ELSPBP1: variants seen among roughly 807,000 people sequenced by gnomAD.
ELSPBP1 encodes the protein epididymal sperm binding protein 1.
In ELSPBP1, 38 loss-of-function variants were observed where a neutral mutation model predicts 33.3. That is an observed-to-expected ratio of 1.14 (90% CI 0.88 to 1.50). ELSPBP1 has a LOEUF of 1.50. Ranked by LOEUF, ELSPBP1 falls within the 40% of genes most tolerant of loss-of-function variation. The probability of loss-of-function intolerance (pLI) is 0.00; values close to 1 mark genes in which losing one functional copy is unlikely to be tolerated. For missense variants in ELSPBP1, 267 were observed against 263.5 expected (o/e 1.01, Z -0.09); for synonymous variants, 85 against 94.1 (o/e 0.90, Z 0.56).
intron 4 of ELSPBP1, 139 bp downstream of exon 4, chr19:48,016,178 G>C: frequency 9.9e-7 from 1 of 1,014,630 alleles, no homozygotes; most frequent in Non-Finnish European, 1.4e-6. Flanking sequence ...TCTGCTCAGA[G>C]AGTTCGCTAT....
At chr19:48,020,096 C>T (rs998474658) in intron 5 of ELSPBP1, among the ~76,000 whole-genome samples, 1 of 152,070 alleles carries the variant, frequency 6.6e-6, no homozygotes, top group Non-Finnish European at 1.5e-5. Flanking sequence ...ATGAAATGCT[C>T]AAAATGTTAA....
At chr19:48,023,358 A>AAGGG (rs1967225277) in intron 6 of ELSPBP1, among the ~76,000 whole-genome samples, 1 of 109,526 alleles carries the variant, frequency 9.1e-6, no homozygotes, top group African/African-American at 3.4e-5. Flanking sequence ...GGAAAGAAGG[A>AAGGG]AGGGAGGAAG....
At chr19:48,003,549 T>TTTTTTTTTTTTTTTTTTG (rs1966987853) in intron 1 of ELSPBP1, among the ~76,000 whole-genome samples, 1 of 150,776 alleles carries the variant, frequency 6.6e-6, no homozygotes, top group African/African-American at 2.4e-5. Context: ...CTTTTTTTTT[T>TTTTTTTTTTTTTTTTTTG]TTTTTTTGAT....
Position 48,014,212 on chromosome 19 carries a change from T to A in ELSPBP1, c.112T>A (p.Ser38Thr). 6.2e-7 allele frequency: 1 copy of A among 1,614,026 alleles called. No individual in the cohort carries two copies. The highest frequency in any genetic ancestry group is 1.3e-5 in the African/African-American group (1 of 75,014). Residue 38 changes from serine to threonine, a missense_variant, in exon 3 of 7, where the codon TCT (serine) becomes ACT (threonine). Physicochemically the swap from Ser to Thr is moderately conservative, Grantham distance 58 (BLOSUM62 1). Coordinates refer to ENST00000339841, the MANE Select transcript of ELSPBP1 (RefSeq NM_022142.5). ...TGTCTTTCCTTTCACCTACAAGGGA[T>A]CTGTTTACTTCACTTGCACCCATAT... ...ECVFPFTYKG[S>T]VYFTCTHIHS...
intron 1 of ELSPBP1, among the ~76,000 whole-genome samples, chr19:47,999,608 G>A (rs113604439): frequency 0.011 from 1,616 of 151,982 alleles, 14 homozygotes; most frequent in Middle Eastern, 0.027. Context: ...GGCTGGTCTT[G>A]AACTCCTGGC....
At position 47,999,853 on chromosome 19, in the gene ELSPBP1, C is replaced by T. The variant is rs182915676; in HGVS notation, c.-18+5042C>T. Among the ~76,000 whole-genome samples the T allele has an allele frequency of 1.6e-3, 242 of 150,606 alleles. 1 individual carries two copies. The highest frequency in any genetic ancestry group is 5.4e-3 in the African/African-American group (220 of 40,952). ...TTTTTTTTTTTAGGAAATGGGGTCTCGCTCTGTCATTCAGGCTGGAGTGCA... is the reference window on the plus strand; with the variant it reads ...TTTTTTTTTTTAGGAAATGGGGTCTTGCTCTGTCATTCAGGCTGGAGTGCA... On this transcript the variant is annotated intron_variant, in intron 1 of 6. Coordinates refer to ENST00000339841, the MANE Select transcript of ELSPBP1 (RefSeq NM_022142.5).
chr19:48,007,159 A>T (rs991526541), intron 1 of ELSPBP1, among the ~76,000 whole-genome samples: 5 of 152,200 alleles, frequency 3.3e-5, no homozygotes, highest in Non-Finnish European at 7.3e-5. Flanking sequence ...GCATTTTCAC[A>T]TCAAGGTCTA....
intron 6 of ELSPBP1, among the ~76,000 whole-genome samples, chr19:48,023,725 G>GTTTA (rs1967239022): frequency 1.3e-5 from 2 of 151,968 alleles, no homozygotes; most frequent in Admixed American, 1.3e-4. Context: ...GAAAAATGGG[G>GTTTA]TTTATTTCTC....
At chr19:48,009,413 A>G (rs1272120274) in intron 2 of ELSPBP1, among the ~76,000 whole-genome samples, 1 of 152,198 alleles carries the variant, frequency 6.6e-6, no homozygotes, top group East Asian at 1.9e-4. Context: ...TGGACAACCT[A>G]ATTATATCTT....
At chr19:48,024,901 A>G (rs982831863) in intron 6 of ELSPBP1, 51 bp from the exon 7 acceptor site, 1 of 152,174 alleles carries the variant, frequency 6.6e-6, no homozygotes, top group African/African-American at 2.4e-5. Context: ...TTCCTCTTTG[A>G]GTCAATGCCT....
intron 4 of ELSPBP1, among the ~76,000 whole-genome samples, chr19:48,016,815 T>C (rs1967147587): frequency 6.6e-6 from 1 of 152,026 alleles, no homozygotes; most frequent in South Asian, 2.1e-4. Context: ...GCCAGGCTGG[T>C]CTTGAACTCC....
Position 48,020,225 on chromosome 19 carries a change from G to C in ELSPBP1, c.514+348G>C, listed in dbSNP as rs1205407351. ...CCAGAACTTTGGGAGGCTGAGATGG[G>C]AGGATCACTTGAGCCTGGGAGGTTG... On this transcript the variant is annotated intron_variant, in intron 5 of 6. Transcript: ENST00000339841. 3.9e-5 allele frequency among the ~76,000 whole-genome samples: 6 copies of C among 152,278 alleles called. No individual in the cohort carries two copies. The East Asian group carries it at 1.2e-3, about 29-fold the overall frequency.
At chr19:48,006,957 C>T (rs867629309) in intron 1 of ELSPBP1, among the ~76,000 whole-genome samples, 48 of 152,086 alleles carry the variant, frequency 3.2e-4, no homozygotes, top group Non-Finnish European at 5.4e-4. Flanking sequence ...AAGTTTGGGG[C>T]GTGTTGTGTG....
chr19:47,998,419 GA>G (rs1000654595), intron 1 of ELSPBP1, among the ~76,000 whole-genome samples: 4 of 151,064 alleles, frequency 2.6e-5, no homozygotes, highest in South Asian at 2.1e-4. Flanking sequence ...TCAAAAAAAA[GA>G]AAAAAAATCA....
intron 1 of ELSPBP1, among the ~76,000 whole-genome samples, chr19:47,998,341 AC>A (rs1966931307): frequency 6.7e-6 from 1 of 150,190 alleles, no homozygotes; most frequent in Non-Finnish European, 1.5e-5. Flanking sequence ...GAACCGGGGG[AC>A]AGAGGTTGCA....
chr19:48,015,909 C>A lies in ELSPBP1; in HGVS notation c.225C>A (p.Ile75=). Residue 75 remains isoleucine, a synonymous_variant, in exon 4 of 7, where the codon ATC becomes ATA. Transcript: ENST00000339841. The part of the protein sequence containing the change: ...YCQSEDYPRC[I]FPFIYRGKAY... Reference sequence around the variant, plus strand: ...TCCTAACAGATTACCCACGCTGTATCTTCCCTTTCATCTATCGAGGAAAGG... The same window carrying A: ...TCCTAACAGATTACCCACGCTGTATATTCCCTTTCATCTATCGAGGAAAGG... 1 of 1,611,288 alleles carries A rather than the reference C, an allele frequency of 6.2e-7. No homozygotes were observed. The highest frequency in any genetic ancestry group is 1.1e-5 in the South Asian group (1 of 90,948).
chr19:47,998,736 G>A (rs1449226669), intron 1 of ELSPBP1, among the ~76,000 whole-genome samples: 1 of 147,292 alleles, frequency 6.8e-6, no homozygotes, highest in Non-Finnish European at 1.5e-5. Context: ...GCAGTGAGCC[G>A]AGATCGCGCC....
At chr19:48,018,295 C>T (rs1967163443) in intron 4 of ELSPBP1, among the ~76,000 whole-genome samples, 1 of 152,126 alleles carries the variant, frequency 6.6e-6, no homozygotes, top group African/African-American at 2.4e-5. Flanking sequence ...AGGCTGGCAT[C>T]ACAGGGTTTT....
intron 6 of ELSPBP1, among the ~76,000 whole-genome samples, chr19:48,022,631 T>C (rs914707600): frequency 6.6e-6 from 1 of 152,110 alleles, no homozygotes; most frequent in African/African-American, 2.4e-5. Flanking sequence ...CAGAGGGGGA[T>C]TGGCAAACTT....
Sources: gnomAD v4.1 joint callset for allele counts (sites outside exome capture counted in the v4.1 genomes callset) on GRCh38, gnomAD v4.1.1 for gene constraint, MANE v1.5 for transcripts, NCBI Gene and HGNC (gene_info 2026-07-23, HGNC 2026-07-21) for gene names.